PMFBP1: variants seen among roughly 807,000 people sequenced by gnomAD.
PMFBP1 encodes polyamine-modulated factor 1-binding protein 1.
In PMFBP1, 131 loss-of-function variants were observed where a neutral mutation model predicts 137.8. That is an observed-to-expected ratio of 0.95 (90% CI 0.82 to 1.10). The LOEUF (loss-of-function observed/expected upper bound fraction) is 1.10, where lower values mean the gene tolerates loss of function less well. Ranked by LOEUF, PMFBP1 falls within the 50% of genes least tolerant of loss-of-function variation. The pLI, the probability that PMFBP1 is intolerant of heterozygous loss-of-function variation, is 0.00. For synonymous variants in PMFBP1, 490 were observed against 450.4 expected (o/e 1.09, Z -1.11); for missense variants, 1,199 against 1,175.4 (o/e 1.02, Z -0.29).
chr16:72,230,445 C>G, the PMFBP1 span, among the ~76,000 whole-genome samples: 1 of 152,244 alleles, frequency 6.6e-6, no homozygotes, highest in East Asian at 1.9e-4. Flanking sequence ...CTTCAAAAAT[C>G]CAAATCTCTA....
chr16:72,118,998 C>T (rs1567616503), downstream of PMFBP1: 1 of 246,662 alleles, frequency 4.1e-6, no homozygotes, highest in East Asian at 8.7e-5. Flanking sequence ...ATGGAAGAGA[C>T]CAATATCTCT....
intron 2 of PMFBP1, among the ~76,000 whole-genome samples, chr16:72,169,914 T>A (rs1485693637): frequency 1.3e-5 from 2 of 152,108 alleles, no homozygotes; most frequent in African/African-American, 4.8e-5. Flanking sequence ...GTGTTTGCCA[T>A]AAAAACAAAA....
At chr16:72,201,282 T>G in the PMFBP1 span, among the ~76,000 whole-genome samples, 1 of 152,250 alleles carries the variant, frequency 6.6e-6, no homozygotes, top group East Asian at 1.9e-4. Flanking sequence ...GTTCATAATT[T>G]TATGCTGAAC....
chr16:72,245,613 T>C, the PMFBP1 span, among the ~76,000 whole-genome samples: 1 of 152,204 alleles, frequency 6.6e-6, no homozygotes, highest in Non-Finnish European at 1.5e-5. Flanking sequence ...TGGCTGACGA[T>C]GGCTAATCTG....
chr16:72,227,925 C>T, the PMFBP1 span, among the ~76,000 whole-genome samples: 3 of 152,188 alleles, frequency 2.0e-5, no homozygotes, highest in Non-Finnish European at 4.4e-5. Flanking sequence ...TATTATTGGA[C>T]ATTTAGGTTG....
At chr16:72,142,152 G>T (rs992393496) in intron 5 of PMFBP1, among the ~76,000 whole-genome samples, 2 of 152,164 alleles carry the variant, frequency 1.3e-5, no homozygotes, top group Admixed American at 6.6e-5. Context: ...TGAGCAAGCT[G>T]CAGGAAGGCC....
At chr16:72,139,531 T>C (rs2042684266) in intron 6 of PMFBP1, 132 bp from the exon 7 acceptor site, 1 of 734,306 alleles carries the variant, frequency 1.4e-6, no homozygotes, top group Non-Finnish European at 2.4e-6. Flanking sequence ...AGGCATTCCC[T>C]GTGGGGTAGG....
the PMFBP1 span, chr16:72,224,934 TTTAG>T: frequency 1.3e-5 from 2 of 152,348 alleles, no homozygotes; most frequent in South Asian, 4.1e-4. Flanking sequence ...GCTTCTTAAA[TTTAG>T]TTATACTCTA....
At chr16:72,175,933 A>ATGTGCAGAGGCTTGG (rs1296218724), upstream of PMFBP1, among the ~76,000 whole-genome samples, 1 of 152,224 alleles carries the variant, frequency 6.6e-6, no homozygotes, top group African/African-American at 2.4e-5. Flanking sequence ...ATTGGAGCCA[A>ATGTGCAGAGGCTTGG]TGTGCAGAGG....
At chr16:72,235,937 A>G in the PMFBP1 span, among the ~76,000 whole-genome samples, 1 of 152,180 alleles carries the variant, frequency 6.6e-6, no homozygotes, top group Non-Finnish European at 1.5e-5. Flanking sequence ...CCATCTAAAA[A>G]CAAAGTGAGT....
the PMFBP1 span, among the ~76,000 whole-genome samples, chr16:72,210,312 T>C: frequency 6.6e-6 from 1 of 152,190 alleles, no homozygotes. Flanking sequence ...AGATGACTTA[T>C]AGAGAGCAAA....
Position 72,153,629 on chromosome 16 carries a change from T to C in PMFBP1, c.414+582A>G, listed in dbSNP as rs138383126. Among the ~76,000 whole-genome samples, 574 of 151,566 alleles carry C rather than the reference T, an allele frequency of 3.8e-3. 1 individual carries two copies. The highest frequency in any genetic ancestry group is 6.2e-3 in the Admixed American group (94 of 15,168). ...GGGTGGTACTCTTCGGCTTAGAAAA[T>C]ACCACCCTGGAACATGAATGGGAAT... On this transcript the variant is annotated intron_variant, in intron 4 of 20. Transcript: ENST00000237353.
chr16:72,217,746 G>A, the PMFBP1 span, among the ~76,000 whole-genome samples: 2 of 152,048 alleles, frequency 1.3e-5, no homozygotes, highest in Admixed American at 6.5e-5. Flanking sequence ...CCAGCTACTC[G>A]GGAGGCTGAG....
the PMFBP1 span, among the ~76,000 whole-genome samples, chr16:72,182,846 A>G: frequency 6.6e-6 from 1 of 152,108 alleles, no homozygotes; most frequent in South Asian, 2.1e-4. Context: ...TGCCCCTCAC[A>G]TACTCTCTGC....
At chr16:72,199,653 C>CA in the PMFBP1 span, among the ~76,000 whole-genome samples, 36,749 of 82,220 alleles carry the variant, frequency 0.45, 8,733 homozygotes, top group Non-Finnish European at 0.53. Flanking sequence ...GACTCCGTCT[C>CA]AAAAAAAAAA....
chr16:72,197,820 G>A, the PMFBP1 span, among the ~76,000 whole-genome samples: 2 of 152,108 alleles, frequency 1.3e-5, no homozygotes, highest in African/African-American at 4.8e-5. Context: ...ACTCTGATCT[G>A]CAGGTTTTTA....
chr16:72,175,965 A>G (rs951614668), upstream of PMFBP1, among the ~76,000 whole-genome samples: 11 of 152,220 alleles, frequency 7.2e-5, no homozygotes, highest in African/African-American at 2.7e-4. Context: ...GAGGCTTGGC[A>G]TGCAGAGAGT....
chr16:72,163,778 G>A (rs773851634), intron 3 of PMFBP1, among the ~76,000 whole-genome samples: 4 of 152,166 alleles, frequency 2.6e-5, no homozygotes, highest in Non-Finnish European at 4.4e-5. Context: ...ACAGCAACCT[G>A]GATGGAATTG....
At chr16:72,211,903 G>C in the PMFBP1 span, among the ~76,000 whole-genome samples, 4 of 152,036 alleles carry the variant, frequency 2.6e-5, no homozygotes, top group Non-Finnish European at 4.4e-5. Flanking sequence ...AGGCTGAAGT[G>C]GGAGGACTGC....
Sources: allele counts gnomAD v4.1 joint callset (sites outside exome capture counted in the v4.1 genomes callset), GRCh38; gene constraint gnomAD v4.1.1; transcripts MANE v1.5; gene names NCBI Gene and HGNC (gene_info 2026-07-23, HGNC 2026-07-21).